ARHGAP8: variants seen among roughly 807,000 people sequenced by gnomAD.
ARHGAP8 encodes Rho GTPase activating protein 8.
In ARHGAP8, 62 loss-of-function variants were observed where a neutral mutation model predicts 46.1. The ratio of observed to expected loss-of-function variants is 1.34; its 90% CI spans 1.10 to 1.66. The LOEUF is 1.66. Among genes scored for constraint, ARHGAP8 ranks in the 40% most tolerant of loss-of-function variants. The pLI is 0.00. For missense variants in ARHGAP8, 923 were observed against 568.4 expected (o/e 1.62, Z -6.34); for synonymous variants, 375 against 243.1 (o/e 1.54, Z -5.05).
rs148636215 is a variant in ARHGAP8, at chr22:44,856,986, G to T, written c.878-2745G>T. On this transcript the variant is annotated intron_variant, in intron 10 of 11. Coordinates refer to ENST00000356099, the MANE Select transcript of ARHGAP8 (RefSeq NM_181335.3). ...ACGGAGTTTTGCTCTTGTCGCAAAG[G>T]CTGGAGTGCAATGGTGCAATCTCGG... Among the ~76,000 whole-genome samples, 85 of 142,122 alleles carry T rather than the reference G, an allele frequency of 6.0e-4. 15 individuals are homozygous for T. Among genetic ancestry groups the T allele is most frequent in the African/African-American group, 2.3e-3 (81 of 35,024 alleles). 93.2% of individuals were successfully genotyped at this position (142,122 alleles called of 152,430 possible).
chr22:44,768,143 C>A (rs1489442721), intron 1 of ARHGAP8, among the ~76,000 whole-genome samples: 1 of 150,954 alleles, frequency 6.6e-6, no homozygotes, highest in Non-Finnish European at 1.5e-5. Context: ...ATTATAGGCG[C>A]CCACCACCAC....
At chr22:44,860,465 C>T (rs1336591117) in intron 11 of ARHGAP8, among the ~76,000 whole-genome samples, 2 of 152,030 alleles carry the variant, frequency 1.3e-5, no homozygotes, top group African/African-American at 2.4e-5. Flanking sequence ...CTCCACCTTT[C>T]CCTCCTAAGT....
At chr22:44,846,370 C>T (rs2069956075) in intron 8 of ARHGAP8, among the ~76,000 whole-genome samples, 1 of 152,212 alleles carries the variant, frequency 6.6e-6, no homozygotes, top group Admixed American at 6.5e-5. Context: ...GAGAGCCCCT[C>T]CTCACTTGTA....
intron 10 of ARHGAP8, among the ~76,000 whole-genome samples, chr22:44,851,545 C>G (rs1397675844): frequency 1.3e-5 from 2 of 152,152 alleles, no homozygotes; most frequent in Non-Finnish European, 2.9e-5. Context: ...AAGACCCAGG[C>G]TGGGCATGGT....
intron 1 of ARHGAP8, among the ~76,000 whole-genome samples, chr22:44,772,669 G>A (rs1195242197): frequency 6.6e-6 from 1 of 151,954 alleles, no homozygotes; most frequent in African/African-American, 2.4e-5. Flanking sequence ...TTTGGCATAA[G>A]GGTAATGCTG....
chr22:44,814,675 C>T lies in ARHGAP8; in HGVS notation c.303C>T (p.Tyr101=). 6.2e-7 allele frequency: 1 copy of T among 1,613,802 alleles called. No individual in the cohort carries two copies. The highest frequency in any genetic ancestry group is 8.5e-7 in the Non-Finnish European group (1 of 1,179,880). The change falls in exon 5 of 12, where the codon TAC becomes TAT. Residue 101 remains tyrosine, a synonymous_variant. Transcript: ENST00000356099. ...QSAYKEFDRK[Y]KKNLKALYVV... Reference sequence around the variant, plus strand: ...CATCCCCCGTTTCCCTCCTCAGGTACAAGAAGAACTTGAAGGCCCTCTACG... The same window carrying T: ...CATCCCCCGTTTCCCTCCTCAGGTATAAGAAGAACTTGAAGGCCCTCTACG...
chr22:44,762,148 T>C (rs5764990), intron 1 of ARHGAP8, among the ~76,000 whole-genome samples: 42,264 of 152,096 alleles, frequency 0.28, 6,189 homozygotes, highest in East Asian at 0.5. Context: ...TGTGGTATAA[T>C]GAATCTTAGC....
At chr22:44,856,074 G>C (rs2070214027) in intron 10 of ARHGAP8, among the ~76,000 whole-genome samples, 1 of 151,936 alleles carries the variant, frequency 6.6e-6, no homozygotes, top group African/African-American at 2.4e-5. Flanking sequence ...ACTCTCATGA[G>C]AACAGCACCA....
At chr22:44,830,024 C>CTTT (rs386395573) in intron 7 of ARHGAP8, among the ~76,000 whole-genome samples, 2,006 of 142,570 alleles carry the variant, frequency 0.014, 47 homozygotes, top group African/African-American at 0.046. Context: ...TCCTCTCTCT[C>CTTT]TTTTTTTTTT....
intron 2 of ARHGAP8, among the ~76,000 whole-genome samples, chr22:44,796,684 G>A (rs150021952): frequency 2.0e-4 from 30 of 152,320 alleles, no homozygotes; most frequent in African/African-American, 7.0e-4. Context: ...CACGGGAGAA[G>A]TCACAGACGC....
chr22:44,814,874 G>A (rs994905613), intron 5 of ARHGAP8, 116 bp downstream of exon 5: 2 of 1,260,176 alleles, frequency 1.6e-6, no homozygotes, highest in African/African-American at 1.5e-5. Context: ...GGGTGCCTGT[G>A]TATCTGGGGC....
intron 7 of ARHGAP8, among the ~76,000 whole-genome samples, chr22:44,827,362 T>TTTTTTTTTTTTG (rs869138373): frequency 7.1e-6 from 1 of 139,938 alleles, no homozygotes; most frequent in African/African-American, 2.8e-5. Context: ...TTTTTTTTTT[T>TTTTTTTTTTTTG]GAGACAGTCT....
intron 3 of ARHGAP8, among the ~76,000 whole-genome samples, chr22:44,803,487 G>A (rs66521449): frequency 0.095 from 14,427 of 151,814 alleles, 886 homozygotes; most frequent in African/African-American, 0.16. Flanking sequence ...CCCCTCCTGG[G>A]TCTACACCTT....
rs138369158 is a variant in ARHGAP8, at chr22:44,859,762, C to T, written c.909C>T (p.Cys303=). Residue 303 remains cysteine (C), a synonymous_variant, in exon 11 of 12, where the codon TGC becomes TGT. Transcript: ENST00000356099. ...AGAGCAGCCTGCGTGTCACTGGCTG[C>T]CGCCAGATCTTACGGAGCCTCCCAG... ...CVESSLRVTG[C]RQILRSLPEH... 1.8e-4 allele frequency: 285 copies of T among 1,613,768 alleles called. No homozygotes were observed. Among genetic ancestry groups the T allele is most frequent in the Non-Finnish European group, 2.3e-4 (272 of 1,180,028 alleles).
rs1051833817 is a variant in ARHGAP8 at position 44,824,855 on chromosome 22, A to T, written c.486-628A>T. Reference sequence around the variant, plus strand: ...ATCATGTTGGCCGGGCTGGTCTCAAACTCCTAACCTCAAGTGATCCACCTG... The same window carrying T: ...ATCATGTTGGCCGGGCTGGTCTCAATCTCCTAACCTCAAGTGATCCACCTG... On this transcript the variant is annotated intron_variant, in intron 6 of 11. Coordinates refer to ENST00000356099, the MANE Select transcript of ARHGAP8 (RefSeq NM_181335.3). Among the ~76,000 whole-genome samples, 6 of 150,356 alleles carry T rather than the reference A, an allele frequency of 4.0e-5. 1 individual carries two copies.
At chr22:44,857,298 C>G (rs1165357697) in intron 10 of ARHGAP8, among the ~76,000 whole-genome samples, 1 of 152,176 alleles carries the variant, frequency 6.6e-6, no homozygotes, top group Admixed American at 6.5e-5. Flanking sequence ...CTCTGTGCAG[C>G]TCCCAGACCA....
intron 7 of ARHGAP8, among the ~76,000 whole-genome samples, chr22:44,827,565 A>G (rs1035692264): frequency 6.6e-6 from 1 of 150,900 alleles, no homozygotes; most frequent in African/African-American, 2.4e-5. Flanking sequence ...CTGGTCTTGA[A>G]CTCCTGACCT....
chr22:44,820,115 G>T (rs185106823), intron 5 of ARHGAP8, among the ~76,000 whole-genome samples: 1 of 152,236 alleles, frequency 6.6e-6, no homozygotes, highest in East Asian at 1.9e-4. Context: ...TCAGATCCCC[G>T]CAGGTGGTGC....
intron 1 of ARHGAP8, among the ~76,000 whole-genome samples, chr22:44,756,412 C>T (rs187898084): frequency 2.5e-4 from 38 of 152,276 alleles, no homozygotes; most frequent in Non-Finnish European, 5.9e-5. Context: ...GCGGACCCCA[C>T]GCTGTTGTAA....
Sources: gnomAD v4.1 joint callset for allele counts (sites outside exome capture counted in the v4.1 genomes callset) on GRCh38, gnomAD v4.1.1 for gene constraint, MANE v1.5 for transcripts, NCBI Gene and HGNC (gene_info 2026-07-23, HGNC 2026-07-21) for gene names.